Variants in NDFIP1 observed in about 807,000 individuals in gnomAD.
The protein encoded by NDFIP1 is NEDD4 family-interacting protein 1.
Under a neutral mutation model 28.8 loss-of-function variants are expected in NDFIP1, and 7 were observed. The observed-to-expected ratio is 0.24, with a 90% CI of 0.14 to 0.46. The LOEUF is 0.46. Ranked by LOEUF, NDFIP1 falls within the 20% of genes least tolerant of loss-of-function variation. NDFIP1 has a pLI of 0.99. For synonymous variants in NDFIP1, 92 were observed against 101.0 expected, an observed-to-expected ratio of 0.91 and a Z score of 0.53; for missense variants, 194 against 269.1, an observed-to-expected ratio of 0.72 and a Z score of 1.95.
chr5:142,138,057 A>G (rs1418096250), intron 5 of NDFIP1, 199 bp downstream of exon 5: 5 of 516,398 alleles, frequency 9.7e-6, no homozygotes, highest in South Asian at 3.2e-5. Context: ...TGTCAAATCT[A>G]TTGAAAACTG....
At chr5:142,150,731 A>AAAAAAG (rs1368103147) in intron 7 of NDFIP1, among the ~76,000 whole-genome samples, 1 of 150,868 alleles carries the variant, frequency 6.6e-6, no homozygotes, top group Non-Finnish European at 1.5e-5. Context: ...CAAAAAAAAA[A>AAAAAAG]AAAAGAAAAG....
At chr5:142,136,104 T>C (rs1347768076) in intron 4 of NDFIP1, among the ~76,000 whole-genome samples, 1 of 152,208 alleles carries the variant, frequency 6.6e-6, no homozygotes, top group African/African-American at 2.4e-5. Context: ...CGGGGCCCTT[T>C]TGCGTTGCTT....
intron 1 of NDFIP1, among the ~76,000 whole-genome samples, chr5:142,116,242 C>G (rs1757065827): frequency 6.6e-6 from 1 of 152,166 alleles, no homozygotes; most frequent in Non-Finnish European, 1.5e-5. Context: ...TAAATACTAG[C>G]ACTGATCAAG....
At chr5:142,118,383 T>G (rs1757090759) in intron 1 of NDFIP1, among the ~76,000 whole-genome samples, 1 of 152,142 alleles carries the variant, frequency 6.6e-6, no homozygotes, top group Admixed American at 6.5e-5. Context: ...ATTGGTCAGG[T>G]CTTTGTAGAA....
At chr5:142,145,404 G>T (rs979516177) in intron 7 of NDFIP1, among the ~76,000 whole-genome samples, 2 of 152,154 alleles carry the variant, frequency 1.3e-5, no homozygotes, top group Non-Finnish European at 2.9e-5. Flanking sequence ...GTACACCAGA[G>T]AGAGCTCTCT....
chr5:142,110,384 A>G (rs560021325), intron 1 of NDFIP1, among the ~76,000 whole-genome samples: 1 of 152,268 alleles, frequency 6.6e-6, no homozygotes, highest in South Asian at 2.1e-4. Flanking sequence ...AGTGTTTGCA[A>G]ATCACCCCTA....
At position 142,153,578 on chromosome 5, in the gene NDFIP1, G is replaced by T. The variant is rs1211835754; in HGVS notation, c.*1850G>T. The T allele has an allele frequency of 3.5e-6, 1 of 281,898 alleles. No homozygotes were observed. The highest frequency in any genetic ancestry group is 8.3e-5 in the East Asian group (1 of 11,980). 17.5% of individuals were successfully genotyped at this position (281,898 alleles called of 1,614,324 possible). A position where few individuals can be genotyped will look rare whatever the true frequency, so the allele number is the denominator to read the frequency against. On this transcript the variant is annotated 3_prime_UTR_variant, in exon 8 of 8. Coordinates refer to ENST00000253814, the MANE Select transcript of NDFIP1 (RefSeq NM_030571.4). ...TTCAGAAGTTATATTTGATAATAGA[G>T]AAGGGAGTTTTATGGAAGTTTCTTT... is the stretch of plus-strand genomic sequence containing the variant.
intron 1 of NDFIP1, among the ~76,000 whole-genome samples, chr5:142,112,581 GGA>G (rs1757026138): frequency 7.0e-6 from 1 of 143,630 alleles, no homozygotes; most frequent in Non-Finnish European, 1.5e-5. Context: ...CACAAGGTCA[GGA>G]GATCGAGACC....
chr5:142,144,431 G>T, intron 6 of NDFIP1, 140 bp from the exon 7 acceptor site: 1 of 645,648 alleles, frequency 1.5e-6, no homozygotes, highest in East Asian at 2.6e-5. Flanking sequence ...ATCCTCTGCA[G>T]ATTCTGGAGG....
Position 142,117,008 on chromosome 5 carries a change from G to A in NDFIP1, c.63+7971G>A, listed in dbSNP as rs575101617. ...TTACAGGCATGAGCCACCGTGCCCG[G>A]CCCATATGTATAATATATTTCTTAT... is the stretch of plus-strand genomic sequence containing the variant. On this transcript the variant is annotated intron_variant, in intron 1 of 7. Transcript: ENST00000253814. 1.8e-3 allele frequency among the ~76,000 whole-genome samples: 270 copies of A among 152,186 alleles called. 3 individuals carry two copies. The highest frequency in any genetic ancestry group is 2.5e-3 in the Non-Finnish European group (169 of 68,014).
chr5:142,138,737 G>A (rs1039755645), intron 5 of NDFIP1, among the ~76,000 whole-genome samples: 3 of 152,086 alleles, frequency 2.0e-5, no homozygotes, highest in African/African-American at 4.8e-5. Flanking sequence ...TTAAGAACTC[G>A]AGCCCTAAAG....
intron 1 of NDFIP1, among the ~76,000 whole-genome samples, chr5:142,109,352 T>TC (rs1736732941): frequency 6.6e-6 from 1 of 152,210 alleles, no homozygotes; most frequent in African/African-American, 2.4e-5. Context: ...TCTGAGGCAT[T>TC]CGTTTTTCAT....
At chr5:142,139,666 A>T (rs555008171) in intron 5 of NDFIP1, among the ~76,000 whole-genome samples, 18 of 152,176 alleles carry the variant, frequency 1.2e-4, no homozygotes, top group Non-Finnish European at 2.1e-4. Context: ...CCAGCAAGGG[A>T]AGGGGATTAC....
At chr5:142,112,073 C>A (rs1002011285) in intron 1 of NDFIP1, among the ~76,000 whole-genome samples, 12 of 147,968 alleles carry the variant, frequency 8.1e-5, no homozygotes, top group Non-Finnish European at 1.0e-4. Context: ...TCAAAAAAAA[C>A]CAAAACAAAA....
intron 7 of NDFIP1, among the ~76,000 whole-genome samples, chr5:142,145,646 A>G (rs975508240): frequency 6.6e-6 from 1 of 152,090 alleles, no homozygotes; most frequent in African/African-American, 2.4e-5. Flanking sequence ...TGAAGAGCAA[A>G]AATAGGGAAG....
intron 1 of NDFIP1, among the ~76,000 whole-genome samples, chr5:142,116,703 T>A (rs1331801996): frequency 3.3e-5 from 5 of 151,870 alleles, no homozygotes; most frequent in Non-Finnish European, 4.4e-5. Context: ...TCCTCTTCTT[T>A]TTTATTTATT....
Position 142,153,023 on chromosome 5 carries a change from T to G in NDFIP1, c.*1295T>G. On this transcript the variant is annotated 3_prime_UTR_variant, in exon 8 of 8. Coordinates refer to ENST00000253814, the MANE Select transcript of NDFIP1 (RefSeq NM_030571.4). ...AAGTAGAGAGGAGTTGTAGAGATCTTAAATCATTCTGGAATTCCTAATTAT... is the reference window on the plus strand; with the variant it reads ...AAGTAGAGAGGAGTTGTAGAGATCTGAAATCATTCTGGAATTCCTAATTAT... 2.9e-6 allele frequency: 1 copy of G among 339,462 alleles called. No homozygotes were observed. Among genetic ancestry groups the G allele is most frequent in the South Asian group, 2.4e-5 (1 of 41,812 alleles). The allele number at this position is 339,462 out of a possible 1,614,324, so 21.0% of individuals were successfully genotyped here.
chr5:142,108,818 A>G lies in NDFIP1; in HGVS notation c.-157A>G. The G allele has an allele frequency of 3.7e-6, 2 of 541,014 alleles. No individual in the cohort carries two copies. Among genetic ancestry groups the G allele is most frequent in the Non-Finnish European group, 5.8e-6 (2 of 344,896 alleles). 33.5% of individuals were successfully genotyped at this position (541,014 alleles called of 1,614,324 possible). On this transcript the variant is annotated 5_prime_UTR_variant, in exon 1 of 8. Coordinates refer to ENST00000253814, the MANE Select transcript of NDFIP1 (RefSeq NM_030571.4). ...AGCCTCGGCGGCGGCGGCGGTGCTT[A>G]CAGCCTGAGAAGAGCGTCTCGCCCG...
rs1175096954 is a variant in NDFIP1, at chr5:142,125,861, A to C, written c.64-5947A>C. On this transcript the variant is annotated intron_variant, in intron 1 of 7. Coordinates refer to ENST00000253814, the MANE Select transcript of NDFIP1 (RefSeq NM_030571.4). ...TTGATTTGCGTTTTCCTGCTGACTT[A>C]ATGATGTTGAGCATTTTGTGTCTAC... Among the ~76,000 whole-genome samples, 8 of 152,240 alleles carry C rather than the reference A, an allele frequency of 5.3e-5. No individual in the cohort carries two copies. The South Asian group carries it at 1.5e-3, about 28-fold the overall frequency.
Sources: allele counts gnomAD v4.1 joint callset (sites outside exome capture counted in the v4.1 genomes callset), GRCh38; gene constraint gnomAD v4.1.1; transcripts MANE v1.5; gene names NCBI Gene and HGNC (gene_info 2026-07-23, HGNC 2026-07-21).